The following PCM1 variants were observed in gnomAD, a reference collection of about 807,000 sequenced individuals.
PCM1 encodes the protein pericentriolar material 1, also known as pericentriolar material 1 protein.
In PCM1, 157 loss-of-function variants were observed where a neutral mutation model predicts 241.9. That is an observed-to-expected ratio of 0.65 (90% CI 0.57 to 0.74). The LOEUF (loss-of-function observed/expected upper bound fraction) is 0.74, where lower values mean the gene tolerates loss of function less well. Ranked by LOEUF, PCM1 falls within the 30% of genes least tolerant of loss-of-function variation. The pLI, the probability that PCM1 is intolerant of heterozygous loss-of-function variation, is 0.00. For missense variants in PCM1, 3,478 were observed against 2,360.1 expected, an observed-to-expected ratio of 1.47 and a Z score of -9.81; for synonymous variants, 1,085 against 784.9, an observed-to-expected ratio of 1.38 and a Z score of -6.39.
chr8:17,957,227 TGCC>T, intron 11 of PCM1, 34 bp from the exon 12 acceptor site: 1 of 1,512,290 alleles, frequency 6.6e-7, no homozygotes, highest in South Asian at 1.3e-5. Flanking sequence ...TCTTTTTTTG[TGCC>T]TTAAATGACT....
chr8:17,969,134 T>G (rs2076036698), intron 21 of PCM1, among the ~76,000 whole-genome samples: 1 of 152,144 alleles, frequency 6.6e-6, no homozygotes, highest in Admixed American at 6.6e-5. Context: ...AGAAACAACA[T>G]AAGCGTAGGA....
At chr8:17,925,423 A>G (rs1457360922) in intron 2 of PCM1, 4 of 152,224 alleles carry the variant, frequency 2.6e-5, no homozygotes, top group African/African-American at 9.7e-5. Context: ...TGGCTAAAAG[A>G]TAATTAGAAG....
At chr8:17,946,005 C>T (rs6586672) in intron 6 of PCM1, among the ~76,000 whole-genome samples, 5,578 of 152,072 alleles carry the variant, frequency 0.037, 164 homozygotes, top group African/African-American at 0.072. Context: ...AATACAATTA[C>T]GGTATACGTT....
At chr8:17,967,303 C>CT in intron 21 of PCM1, 133 bp downstream of exon 21, 1 of 603,576 alleles carries the variant, frequency 1.7e-6, no homozygotes, top group Non-Finnish European at 2.7e-6. Flanking sequence ...AAGTTACAAA[C>CT]TCTTTTTTTT....
chr8:17,958,192 T>C (rs1361091028), intron 13 of PCM1, among the ~76,000 whole-genome samples: 1 of 152,168 alleles, frequency 6.6e-6, no homozygotes, highest in Admixed American at 6.5e-5. Flanking sequence ...AGCATCTCAA[T>C]GAGGTAGACA....
intron 8 of PCM1, among the ~76,000 whole-genome samples, chr8:17,951,386 C>G (rs1250138185): frequency 6.6e-6 from 1 of 152,120 alleles, no homozygotes; most frequent in African/African-American, 2.4e-5. Context: ...TATAGCAGTA[C>G]CTAGTAAATT....
chr8:17,969,433 TA>T (rs770097045), intron 21 of PCM1, 143 bp from the exon 22 acceptor site: 4 of 646,214 alleles, frequency 6.2e-6, no homozygotes, highest in Non-Finnish European at 1.0e-5. Flanking sequence ...AGTGATTGGA[TA>T]AATATTAGCT....
intron 2 of PCM1, 36 bp from the exon 3 acceptor site, chr8:17,935,553 T>C: frequency 1.4e-6 from 1 of 711,182 alleles, no homozygotes; most frequent in East Asian, 2.6e-5. Flanking sequence ...TTTGTTTTTA[T>C]GTGTTATAAA....
intron 29 of PCM1, among the ~76,000 whole-genome samples, chr8:18,003,858 T>TGAGG (rs1200469855): frequency 3.3e-5 from 5 of 152,144 alleles, no homozygotes; most frequent in African/African-American, 1.2e-4. Flanking sequence ...AACCATTGCC[T>TGAGG]CAAGTGAATT....
intron 8 of PCM1, 139 bp downstream of exon 8, chr8:17,950,863 A>G (rs766490265): frequency 3.0e-4 from 187 of 626,102 alleles, no homozygotes; most frequent in Middle Eastern, 2.1e-3. Context: ...GGTCCCCCCC[A>G]CCTTCAAAAT....
intron 6 of PCM1, among the ~76,000 whole-genome samples, chr8:17,946,793 G>A (rs1416471831): frequency 1.3e-5 from 2 of 151,408 alleles, no homozygotes; most frequent in East Asian, 2.0e-4. Flanking sequence ...CATTAACCCA[G>A]TATAATGTGC....
chr8:18,019,641 G>T (rs186320615), intron 36 of PCM1, among the ~76,000 whole-genome samples: 96 of 152,280 alleles, frequency 6.3e-4, no homozygotes, highest in African/African-American at 2.0e-3. Context: ...GTTCACAATA[G>T]GGTTCAAGCT....
At chr8:18,008,615 C>T (rs1367682021) in intron 30 of PCM1, among the ~76,000 whole-genome samples, 1 of 152,108 alleles carries the variant, frequency 6.6e-6, no homozygotes, top group African/African-American at 2.4e-5. Context: ...AACAGAGTTT[C>T]AGCATCTTTC....
At chr8:17,926,340 T>A (rs2129445271) in intron 2 of PCM1, 1 of 152,308 alleles carries the variant, frequency 6.6e-6, no homozygotes, top group Non-Finnish European at 1.5e-5. Context: ...AGATTCACAG[T>A]ACAGAACTAA....
rs2064200188 is a variant in PCM1 at position 17,947,299 on chromosome 8, G to A, written c.897G>A (p.Arg299=). ...AGCAACTAAGAGCTCTACAGGGACG[G>A]CAGGCTGCACTTCTAGCTCTGCAAC... ...QQEQLRALQG[R]QAALLALQHK... The change falls in exon 7 of 39, where the codon CGG becomes CGA. Residue 299 remains arginine (R), a synonymous_variant. Coordinates refer to ENST00000325083, the MANE Select transcript of PCM1 (RefSeq NM_006197.4). The A allele has an allele frequency of 1.6e-5, 26 of 1,612,464 alleles. No homozygotes were observed. The highest frequency in any genetic ancestry group is 2.0e-5 in the Non-Finnish European group (24 of 1,179,024).
At position 18,011,372 on chromosome 8, in the gene PCM1, T is replaced by C; in HGVS notation, c.5350+6T>C. 1 of 1,576,222 alleles carries C rather than the reference T, an allele frequency of 6.3e-7. No individual in the cohort carries two copies. The highest frequency in any genetic ancestry group is 1.7e-4 in the Middle Eastern group (1 of 5,870). On this transcript the variant is annotated splice_donor_region_variant and intron_variant, in intron 33 of 38. Transcript: ENST00000325083. ...AGGATGTCCAGTGTCTATTAGTAAGTTTAAAGGCTCTGTACTATCTTTATA... is the reference window on the plus strand; with the variant it reads ...AGGATGTCCAGTGTCTATTAGTAAGCTTAAAGGCTCTGTACTATCTTTATA...
intron 2 of PCM1, among the ~76,000 whole-genome samples, chr8:17,929,928 A>G (rs1055300098): frequency 2.0e-5 from 3 of 152,162 alleles, no homozygotes; most frequent in Non-Finnish European, 4.4e-5. Flanking sequence ...AAAATAACGT[A>G]CTTTACTCAC....
Position 17,989,822 on chromosome 8 carries a change from A to G in PCM1, c.4411-37A>G, listed in dbSNP as rs774329644. ...AGATTATTAATATGAAATTCTTAGA[A>G]GTATTAGTGATTTTTGTTTGTTTTA... On this transcript the variant is annotated intron_variant, in intron 26 of 38. Coordinates refer to ENST00000325083, the MANE Select transcript of PCM1 (RefSeq NM_006197.4). 1.5e-5 allele frequency: 21 copies of G among 1,355,568 alleles called. No individual in the cohort carries two copies. The South Asian group carries it at 2.7e-4, about 17-fold the overall frequency. The allele number at this position is 1,355,568 out of a possible 1,614,324, so 84.0% of individuals were successfully genotyped here. A position where few individuals can be genotyped will look rare whatever the true frequency, so the allele number is the denominator to read the frequency against.
Position 17,928,109 on chromosome 8 carries a change from T to G in PCM1, c.-23+3329T>G, listed in dbSNP as rs567433220. Among the ~76,000 whole-genome samples the G allele has an allele frequency of 1.3e-3, 197 of 152,330 alleles. 2 individuals carry two copies. The highest frequency in any genetic ancestry group is 1.8e-3 in the Non-Finnish European group (123 of 68,040). ...ACCCGTAGTACTGTCATCAATCACTTCTACCAATTGTTTTCCTACAGTTTC... is the reference window on the plus strand; with the variant it reads ...ACCCGTAGTACTGTCATCAATCACTGCTACCAATTGTTTTCCTACAGTTTC... On this transcript the variant is annotated intron_variant, in intron 2 of 38. Transcript: ENST00000325083.
Sources: gnomAD v4.1 joint callset for allele counts (sites outside exome capture counted in the v4.1 genomes callset) on GRCh38, gnomAD v4.1.1 for gene constraint, MANE v1.5 for transcripts, NCBI Gene and HGNC (gene_info 2026-07-23, HGNC 2026-07-21) for gene names.